Variants in GABRR2 observed in about 807,000 individuals in gnomAD.
GABRR2 encodes the protein gamma-aminobutyric acid type A receptor subunit rho2.
Under a neutral mutation model 47.0 loss-of-function variants are expected in GABRR2, and 36 were observed. The observed-to-expected ratio is 0.77, with a 90% CI of 0.59 to 1.01. GABRR2 has a LOEUF of 1.01. Ranked by LOEUF, GABRR2 falls within the 50% of genes least tolerant of loss-of-function variation. The pLI is 0.00. For missense variants in GABRR2, 587 were observed against 594.6 expected, an observed-to-expected ratio of 0.99 and a Z score of 0.13; for synonymous variants, 204 against 227.5, an observed-to-expected ratio of 0.90 and a Z score of 0.93.
intron 2 of GABRR2, among the ~76,000 whole-genome samples, chr6:89,280,239 T>C (rs1333843345): frequency 3.4e-5 from 3 of 88,282 alleles, no homozygotes; most frequent in South Asian, 4.0e-4. Flanking sequence ...TATATATATA[T>C]ATATATATAT....
chr6:89,306,791 AAG>A (rs761390940), intron 1 of GABRR2, among the ~76,000 whole-genome samples: 1 of 152,344 alleles, frequency 6.6e-6, no homozygotes, highest in East Asian at 1.9e-4. Context: ...AACAAAAAAA[AAG>A]AGAGAGAAAA....
intron 2 of GABRR2, among the ~76,000 whole-genome samples, chr6:89,293,623 A>G (rs4706339): frequency 0.68 from 103,523 of 151,936 alleles, 35,666 homozygotes; most frequent in East Asian, 0.97. Flanking sequence ...CTGTCTCTAC[A>G]CAAAATATAA....
intron 1 of GABRR2, among the ~76,000 whole-genome samples, chr6:89,301,269 T>C (rs989101248): frequency 1.3e-5 from 2 of 152,126 alleles, no homozygotes; most frequent in Admixed American, 6.5e-5. Flanking sequence ...GCCAACGTCA[T>C]ACTAAATGGG....
intron 1 of GABRR2, among the ~76,000 whole-genome samples, chr6:89,304,813 A>G (rs1295452463): frequency 6.6e-6 from 1 of 152,152 alleles, no homozygotes; most frequent in Non-Finnish European, 1.5e-5. Context: ...GGTTGCAGAG[A>G]AAAGAGAACG....
intron 8 of GABRR2, among the ~76,000 whole-genome samples, chr6:89,261,142 G>A (rs1392024901): frequency 1.3e-5 from 2 of 152,174 alleles, no homozygotes; most frequent in Admixed American, 1.3e-4. Context: ...CCGGTGAACC[G>A]TTCGTTTGTG....
At chr6:89,259,878 TC>T (rs1773703624) in intron 8 of GABRR2, among the ~76,000 whole-genome samples, 4 of 94,182 alleles carry the variant, frequency 4.2e-5, no homozygotes, top group African/African-American at 2.7e-4. Flanking sequence ...GTCATCTCTC[TC>T]TCTCTTTTTT....
chr6:89,266,692 G>GT (rs531880797), intron 6 of GABRR2, among the ~76,000 whole-genome samples: 64 of 152,286 alleles, frequency 4.2e-4, no homozygotes, highest in Non-Finnish European at 7.2e-4. Context: ...TCACAATATG[G>GT]TACAACCATC....
intron 2 of GABRR2, among the ~76,000 whole-genome samples, chr6:89,280,328 T>G (rs1164127283): frequency 6.6e-6 from 1 of 150,468 alleles, no homozygotes; most frequent in Non-Finnish European, 1.5e-5. Context: ...CTAACTCACT[T>G]ACCTAGAGGA....
intron 1 of GABRR2, among the ~76,000 whole-genome samples, chr6:89,311,148 G>A (rs988729515): frequency 5.9e-5 from 9 of 152,190 alleles, no homozygotes; most frequent in East Asian, 5.8e-4. Context: ...GAGGTGCCAC[G>A]TGCAGACGCC....
chr6:89,313,789 C>T (rs1470335401), intron 1 of GABRR2, among the ~76,000 whole-genome samples: 3 of 152,060 alleles, frequency 2.0e-5, no homozygotes, highest in South Asian at 2.1e-4. Flanking sequence ...TGCTGGTGCA[C>T]GCCTGTAATC....
chr6:89,277,278 CCTT>C (rs1774178349), intron 2 of GABRR2, among the ~76,000 whole-genome samples: 1 of 152,216 alleles, frequency 6.6e-6, no homozygotes, highest in South Asian at 2.1e-4. Flanking sequence ...CCTTGCTTCT[CCTT>C]CACCTTCTGC....
At chr6:89,294,000 A>G (rs1774512954) in intron 2 of GABRR2, among the ~76,000 whole-genome samples, 1 of 152,202 alleles carries the variant, frequency 6.6e-6, no homozygotes, top group Non-Finnish European at 1.5e-5. Flanking sequence ...TAAAAAGGTC[A>G]CCCAACGGGT....
chr6:89,310,537 A>G (rs2127851829), intron 1 of GABRR2, among the ~76,000 whole-genome samples: 1 of 152,196 alleles, frequency 6.6e-6, no homozygotes, highest in Non-Finnish European at 1.5e-5. Flanking sequence ...ACCTAAGTTG[A>G]TGGCTTAAAT....
intron 2 of GABRR2, among the ~76,000 whole-genome samples, chr6:89,293,553 A>G (rs1420482687): frequency 2.0e-5 from 3 of 152,180 alleles, no homozygotes; most frequent in Non-Finnish European, 4.4e-5. Flanking sequence ...TTGGGAGGCT[A>G]AGGCGGGCAG....
At position 89,264,437 on chromosome 6, in the gene GABRR2, C is replaced by A. The variant is rs746182488; in HGVS notation, c.1061G>T (p.Arg354Leu). ...CTTCTCCCGCAGCTTCCGTTCCTTG[C>A]GCTCCTGCACGGTGGTCAGGTAGTT... is the stretch of plus-strand genomic sequence containing the variant. ...AVNYLTTVQERKERKLREKFP... is the reference protein window; with the variant it reads ...AVNYLTTVQELKERKLREKFP... Residue 354 changes from arginine (R) to leucine (L), a missense_variant, in exon 8 of 9, where the codon CGC (arginine) becomes CTC (leucine). Coordinates refer to ENST00000402938, the MANE Select transcript of GABRR2 (RefSeq NM_002043.5). 6.8e-6 allele frequency: 11 copies of A among 1,613,680 alleles called. No individual in the cohort carries two copies. The highest frequency in any genetic ancestry group is 5.5e-5 in the South Asian group (5 of 91,062).
At chr6:89,307,462 G>T (rs1767588296) in intron 1 of GABRR2, among the ~76,000 whole-genome samples, 1 of 152,214 alleles carries the variant, frequency 6.6e-6, no homozygotes, top group African/African-American at 2.4e-5. Context: ...CACCCCTAGA[G>T]ATTTGAATTT....
chr6:89,299,442 A>G (rs1774610742), intron 2 of GABRR2, among the ~76,000 whole-genome samples: 1 of 152,036 alleles, frequency 6.6e-6, no homozygotes, highest in Non-Finnish European at 1.5e-5. Flanking sequence ...ATGACAGAGG[A>G]GCTATTTTGT....
intron 8 of GABRR2, among the ~76,000 whole-genome samples, chr6:89,259,185 T>C (rs9444681): frequency 0.11 from 16,473 of 151,974 alleles, 1,048 homozygotes; most frequent in African/African-American, 0.17. Flanking sequence ...ACACATCCAA[T>C]TGGCGTTGAT....
At chr6:89,268,946 A>T (rs1030444452) in intron 4 of GABRR2, 65 bp downstream of exon 4, 2 of 1,456,122 alleles carry the variant, frequency 1.4e-6, no homozygotes, top group African/African-American at 1.4e-5. Flanking sequence ...CTTCAGGGCC[A>T]AAGGGCCTGA....
Sources: gnomAD v4.1 joint callset for allele counts (sites outside exome capture counted in the v4.1 genomes callset) on GRCh38, gnomAD v4.1.1 for gene constraint, MANE v1.5 for transcripts, NCBI Gene and HGNC (gene_info 2026-07-23, HGNC 2026-07-21) for gene names.